The following PALM2AKAP2 variants were observed in gnomAD, a reference collection of about 807,000 sequenced individuals.
PALM2AKAP2 encodes the protein PALM2-AKAP2 fusion protein.
A neutral mutation model predicts 71.5 loss-of-function variants in PALM2AKAP2; 37 were observed. That is an observed-to-expected ratio of 0.52 (90% confidence interval 0.40 to 0.68). The LOEUF (loss-of-function observed/expected upper bound fraction) is 0.68, where lower values mean the gene tolerates loss of function less well. PALM2AKAP2 is among the 30% of genes least tolerant of loss of function. The pLI is 0.00. For synonymous variants in PALM2AKAP2, 468 were observed against 478.8 expected (o/e 0.98, Z 0.29); for missense variants, 1,224 against 1,191.8 (o/e 1.03, Z -0.40).
In PALM2AKAP2 at chr9:110,057,899, A is replaced by G. The variant is rs570449786; in HGVS notation, c.156+9044A>G. ...CTGCTTAGAGGAGGAAAGTCTGACA[A>G]TTACAACTATGCATCCTGGCCAAGA... is the stretch of plus-strand genomic sequence containing the variant. On this transcript the variant is annotated intron_variant, in intron 1 of 3. Coordinates refer to ENST00000374525, the Ensembl canonical transcript of PALM2AKAP2. 2.6e-5 allele frequency among the ~76,000 whole-genome samples: 4 copies of G among 152,304 alleles called. No individual in the cohort carries two copies. In the East Asian group the frequency reaches 7.7e-4, roughly 29 times the overall value.
upstream of PALM2AKAP2, among the ~76,000 whole-genome samples, chr9:110,046,093 AT>A (rs1833591822): frequency 6.6e-6 from 1 of 152,180 alleles, no homozygotes; most frequent in African/African-American, 2.4e-5. Flanking sequence ...ATCACCCTCA[AT>A]TGGGAACCAC....
At chr9:110,119,411 C>A (rs1049044301) in intron 1 of PALM2AKAP2, among the ~76,000 whole-genome samples, 1 of 150,542 alleles carries the variant, frequency 6.6e-6, no homozygotes. Context: ...TATTTCTAGT[C>A]TTTTATTATT....
intron 1 of PALM2AKAP2, among the ~76,000 whole-genome samples, chr9:109,861,987 T>A (rs545843823): frequency 6.6e-6 from 1 of 152,334 alleles, no homozygotes; most frequent in African/African-American, 2.4e-5. Flanking sequence ...AAATTACATG[T>A]ATTCATCATA....
chr9:109,781,040 G>A (rs1829438446), intron 1 of PALM2AKAP2, among the ~76,000 whole-genome samples: 1 of 152,204 alleles, frequency 6.6e-6, no homozygotes. Flanking sequence ...GTTTGATATT[G>A]ACAAGGGCAC....
intron 6 of PALM2AKAP2, among the ~76,000 whole-genome samples, chr9:109,958,864 C>G (rs537981156): frequency 3.2e-3 from 494 of 152,318 alleles, no homozygotes; most frequent in Non-Finnish European, 4.8e-3. Context: ...GTTCCAGGGT[C>G]TTGAAACCCT....
chr9:109,659,227 T>C (rs888889407), intron 1 of PALM2AKAP2, among the ~76,000 whole-genome samples: 3 of 152,216 alleles, frequency 2.0e-5, no homozygotes, highest in African/African-American at 7.2e-5. Context: ...TTTTGAGAGA[T>C]GATTTAAATA....
rs555215976 is a variant in PALM2AKAP2 at position 110,102,790 on chromosome 9, A to G, written c.157-33337A>G. On this transcript the variant is annotated intron_variant, in intron 1 of 3. Coordinates refer to ENST00000374525, the Ensembl canonical transcript of PALM2AKAP2. ...CAATGACACTTAAAATTTAAGACCC[A>G]AACCTACATGATCTGGCCCCATCTG... Among the ~76,000 whole-genome samples, 22 of 152,288 alleles carry G rather than the reference A, an allele frequency of 1.4e-4. 1 individual carries two copies. Among genetic ancestry groups the G allele is most frequent in the Admixed American group, 1.2e-3 (19 of 15,298 alleles).
chr9:109,684,313 T>C (rs1028629370), intron 1 of PALM2AKAP2, among the ~76,000 whole-genome samples: 1 of 152,168 alleles, frequency 6.6e-6, no homozygotes, highest in East Asian at 1.9e-4. Flanking sequence ...TGGCTATGCG[T>C]TGGAACCACC....
chr9:109,738,844 G>A (rs1043180182), intron 1 of PALM2AKAP2, among the ~76,000 whole-genome samples: 10 of 152,046 alleles, frequency 6.6e-5, no homozygotes, highest in East Asian at 3.8e-4. Flanking sequence ...TTTCCACAGC[G>A]CCCCTGCAAT....
chr9:109,820,381 A>T (rs996536418), intron 1 of PALM2AKAP2, among the ~76,000 whole-genome samples: 1 of 152,160 alleles, frequency 6.6e-6, no homozygotes, highest in African/African-American at 2.4e-5. Flanking sequence ...TCTGTCTGGG[A>T]TGCTCCAGTG....
chr9:110,000,094 T>G (rs1007765737), intron 6 of PALM2AKAP2, among the ~76,000 whole-genome samples: 2 of 152,056 alleles, frequency 1.3e-5, no homozygotes, highest in African/African-American at 4.8e-5. Context: ...ATGTGCCATG[T>G]TGGTGTGCTG....
intron 3 of PALM2AKAP2, among the ~76,000 whole-genome samples, chr9:109,902,818 G>T (rs950964543): frequency 4.6e-5 from 7 of 152,162 alleles, no homozygotes; most frequent in African/African-American, 1.7e-4. Context: ...GGAATTCCCT[G>T]TCCATGTGGA....
chr9:110,015,902 C>G, intron 6 of PALM2AKAP2, 52 bp from the exon 7 acceptor site: 1 of 1,492,314 alleles, frequency 6.7e-7, no homozygotes, highest in Non-Finnish European at 9.3e-7. Context: ...AACTGTGTAT[C>G]CATGTCAGCT....
At chr9:109,809,343 G>A (rs1177348068) in intron 1 of PALM2AKAP2, among the ~76,000 whole-genome samples, 15 of 152,208 alleles carry the variant, frequency 9.9e-5, no homozygotes, top group Admixed American at 7.9e-4. Context: ...TTGCATCAGC[G>A]TGACCTGGAT....
intron 1 of PALM2AKAP2, among the ~76,000 whole-genome samples, chr9:110,114,427 A>G (rs969773105): frequency 6.6e-6 from 1 of 152,176 alleles, no homozygotes; most frequent in Non-Finnish European, 1.5e-5. Context: ...TCCAAGTGTT[A>G]CATTCTGAGG....
chr9:110,156,569 C>T (rs1197229567), intron 3 of PALM2AKAP2, 72 bp downstream of exon 9: 3 of 1,484,964 alleles, frequency 2.0e-6, no homozygotes, highest in South Asian at 1.5e-5. Flanking sequence ...CATTCCAGTT[C>T]AGGCACAAAT....
intron 1 of PALM2AKAP2, among the ~76,000 whole-genome samples, chr9:109,713,239 G>C (rs1367029756): frequency 1.3e-5 from 2 of 152,162 alleles, no homozygotes; most frequent in African/African-American, 4.8e-5. Context: ...AACACTTGGA[G>C]GCAGCAAGTC....
intron 1 of PALM2AKAP2, among the ~76,000 whole-genome samples, chr9:109,819,181 G>T (rs1159616717): frequency 6.6e-6 from 1 of 152,198 alleles, no homozygotes; most frequent in Non-Finnish European, 1.5e-5. Context: ...ATAGGTGATG[G>T]CAAATTGACA....
At chr9:109,820,443 G>C (rs1827965981) in intron 1 of PALM2AKAP2, among the ~76,000 whole-genome samples, 1 of 152,200 alleles carries the variant, frequency 6.6e-6, no homozygotes, top group Non-Finnish European at 1.5e-5. Context: ...AATGTTCTAG[G>C]GTTCAGTCTC....
Sources: allele counts gnomAD v4.1 joint callset (sites outside exome capture counted in the v4.1 genomes callset), GRCh38; gene constraint gnomAD v4.1.1; transcripts MANE v1.5; gene names NCBI Gene and HGNC (gene_info 2026-07-23, HGNC 2026-07-21).